Variants in CRYBG1 observed in about 807,000 individuals in gnomAD.
CRYBG1 encodes the protein crystallin beta-gamma domain containing 1.
In CRYBG1, 139 loss-of-function variants were observed where a neutral mutation model predicts 189.2. That is an observed-to-expected ratio of 0.73 (90% confidence interval 0.64 to 0.85). CRYBG1 has a LOEUF of 0.85. Among genes scored for constraint, CRYBG1 ranks in the 40% least tolerant of loss-of-function variants. CRYBG1 has a pLI of 0.00. For synonymous variants in CRYBG1, 1,023 were observed against 1,017.1 expected, an observed-to-expected ratio of 1.01 and a Z score of -0.11; for missense variants, 2,611 against 2,675.8, an observed-to-expected ratio of 0.98 and a Z score of 0.53.
intron 9 of CRYBG1, chr6:106,541,325 T>G: frequency 1.6e-6 from 1 of 620,484 alleles, no homozygotes; most frequent in Non-Finnish European, 3.1e-6. Context: ...ATTTTCCAAG[T>G]TAAAAAAACT....
chr6:106,542,005 T>G (rs897265797), intron 10 of CRYBG1, among the ~76,000 whole-genome samples: 2 of 152,162 alleles, frequency 1.3e-5, no homozygotes, highest in Non-Finnish European at 2.9e-5. Flanking sequence ...CCCTTTCTGC[T>G]ATTCCCAATT....
At chr6:106,557,296 A>G (rs1351670752) in intron 17 of CRYBG1, among the ~76,000 whole-genome samples, 3 of 152,224 alleles carry the variant, frequency 2.0e-5, no homozygotes, top group Admixed American at 2.0e-4. Flanking sequence ...CTGATGGACA[A>G]AATCTTTTTA....
In CRYBG1 at chr6:106,511,599, C is replaced by CAGAG; in HGVS notation, c.491_494dup (p.Ser165ArgfsTer3). 1 of 1,535,612 alleles carries CAGAG rather than the reference C, an allele frequency of 6.5e-7. No individual in the cohort carries two copies. The highest frequency in any genetic ancestry group is 8.7e-7 in the Non-Finnish European group (1 of 1,146,578). ...GATGTGGTAGCCTCTCCTAAGCTCCCAGAGAGAGAGAGTGAGAGGAGCAGA... is the reference window on the plus strand; with the variant it reads ...GATGTGGTAGCCTCTCCTAAGCTCCCAGAGAGAGAGAGAGAGTGAGAGGAGCAGA... On this transcript the variant is annotated frameshift_variant, in exon 3 of 22. Transcript: ENST00000633556. LOFTEE classifies it high-confidence loss of function.
Position 106,543,470 on chromosome 6 carries a change from G to T in CRYBG1, c.4912G>T (p.Gly1638Ter). Reference sequence around the variant, plus strand: ...TGTTTATGAAAAGCCTTTCTTTGAAGGAAAATGTGTGGAACTAGAAACAGG... The same window carrying T: ...TGTTTATGAAAAGCCTTTCTTTGAATGAAAATGTGTGGAACTAGAAACAGG... ...VVVYEKPFFE[G>*]KCVELETGMC... Residue 1638 changes from glycine to a stop codon, truncating the protein, a stop_gained, in exon 11 of 22, where the codon GGA (glycine) becomes TGA (stop). Coordinates refer to ENST00000633556, the MANE Select transcript of CRYBG1 (RefSeq NM_001371242.2). LOFTEE classifies it high-confidence loss of function. 3 of 1,613,890 alleles carry T rather than the reference G, an allele frequency of 1.9e-6. No individual in the cohort carries two copies. Among genetic ancestry groups the T allele is most frequent in the Non-Finnish European group, 2.5e-6 (3 of 1,179,850 alleles).
chr6:106,362,066 G>A (rs1304499000), intron 1 of CRYBG1, among the ~76,000 whole-genome samples: 1 of 149,920 alleles, frequency 6.7e-6, no homozygotes, highest in Non-Finnish European at 1.5e-5. Context: ...CACCTCCCGG[G>A]TTCACGCCAT....
intron 17 of CRYBG1, 30 bp from the exon 18 acceptor site, chr6:106,558,456 T>C (rs780710508): frequency 6.6e-7 from 1 of 1,513,284 alleles, no homozygotes; most frequent in East Asian, 2.3e-5. Context: ...CAAAGATGAA[T>C]AACAGAACAT....
At chr6:106,481,419 G>T (rs1365528642) in intron 2 of CRYBG1, among the ~76,000 whole-genome samples, 1 of 152,094 alleles carries the variant, frequency 6.6e-6, no homozygotes, top group Non-Finnish European at 1.5e-5. Flanking sequence ...AGGTAGATAA[G>T]GTACACTTGC....
rs61739377 is a variant in CRYBG1, at chr6:106,520,777, A to G, written c.3569A>G (p.Lys1190Arg). The G allele has an allele frequency of 6.2e-7, 1 of 1,614,198 alleles. No individual in the cohort carries two copies. The highest frequency in any genetic ancestry group is 8.5e-7 in the Non-Finnish European group (1 of 1,180,036). ...GACACAAAATCCAAACTGAGACCCA[A>G]ACGTGCATCTGCTGAACAGAGCGTC... The part of the protein sequence containing the change: ...NLDTKSKLRP[K>R]RASAEQSVLF... The change falls in exon 4 of 22, where the codon AAA (lysine) becomes AGA (arginine). Residue 1190 changes from lysine (K) to arginine (R), a missense_variant. Physicochemically the swap from Lys to Arg is conservative, Grantham distance 26. This residue lies in a region of CRYBG1 where 1,622 missense variants were observed against 1,735.0 expected (regional missense o/e 0.93). Coordinates refer to ENST00000633556, the MANE Select transcript of CRYBG1 (RefSeq NM_001371242.2).
At position 106,543,530 on chromosome 6, in the gene CRYBG1, G is replaced by A. The variant is rs1774188520; in HGVS notation, c.4972G>A (p.Glu1658Lys). 6.2e-7 allele frequency: 1 copy of A among 1,614,144 alleles called. No homozygotes were observed. Among genetic ancestry groups the A allele is most frequent in the Non-Finnish European group, 8.5e-7 (1 of 1,179,972 alleles). Residue 1658 changes from glutamate to lysine, a missense_variant, in exon 11 of 22, where the codon GAA becomes AAA. This residue lies in a region of CRYBG1 where 1,622 missense variants were observed against 1,735.0 expected (regional missense o/e 0.93). Coordinates refer to ENST00000633556, the MANE Select transcript of CRYBG1 (RefSeq NM_001371242.2). ...CSFVMEGGET[E>K]EATGDDHLPF... ...TTTTGTCATGGAGGGAGGTGAAACAGAAGAGGCGACTGGAGACGATCATTT... is the reference window on the plus strand; with the variant it reads ...TTTTGTCATGGAGGGAGGTGAAACAAAAGAGGCGACTGGAGACGATCATTT...
At chr6:106,478,849 C>T (rs1772387342) in intron 2 of CRYBG1, among the ~76,000 whole-genome samples, 1 of 152,196 alleles carries the variant, frequency 6.6e-6, no homozygotes, top group Non-Finnish European at 1.5e-5. Flanking sequence ...ACTGTGTGTG[C>T]AAGGGATCTA....
At chr6:106,497,371 G>T (rs1772874585) in intron 2 of CRYBG1, among the ~76,000 whole-genome samples, 1 of 152,168 alleles carries the variant, frequency 6.6e-6, no homozygotes, top group East Asian at 1.9e-4. Flanking sequence ...AAGTTCAGCA[G>T]TTCGATGTGG....
At chr6:106,534,890 G>A (rs527647981) in intron 8 of CRYBG1, among the ~76,000 whole-genome samples, 2 of 152,176 alleles carry the variant, frequency 1.3e-5, no homozygotes, top group East Asian at 1.9e-4. Context: ...AACTTCAAAG[G>A]GAGTATAAAG....
Position 106,544,800 on chromosome 6 carries a change from G to A in CRYBG1, c.5179G>A (p.Ala1727Thr). The A allele has an allele frequency of 6.2e-7, 1 of 1,601,892 alleles. No individual in the cohort carries two copies. Among genetic ancestry groups the A allele is most frequent in the Non-Finnish European group, 8.5e-7 (1 of 1,176,918 alleles). Residue 1727 changes from alanine (A) to threonine (T), a missense_variant, in exon 13 of 22, where the codon GCT becomes ACT. This residue lies in a region of CRYBG1 where 1,622 missense variants were observed against 1,735.0 expected (regional missense o/e 0.93). Coordinates refer to ENST00000633556, the MANE Select transcript of CRYBG1 (RefSeq NM_001371242.2). ...LRPILGDFSN[A>T]HMIMYSEKNF... is the part of the protein sequence containing the mutation. ...TTTTTCTCAATAGGATTTTTCAAAT[G>A]CTCACATGATAATGTACAGTGAAAA...
chr6:106,466,953 A>G (rs537336732), intron 2 of CRYBG1, among the ~76,000 whole-genome samples: 1 of 152,184 alleles, frequency 6.6e-6, no homozygotes, highest in Non-Finnish European at 1.5e-5. Flanking sequence ...GGAGTTGGGT[A>G]TAGAGAAATA....
intron 1 of CRYBG1, among the ~76,000 whole-genome samples, chr6:106,416,999 CTT>C (rs71663353): frequency 4.3e-5 from 3 of 69,504 alleles, no homozygotes; most frequent in Admixed American, 2.2e-4. Context: ...ATGGGATTTA[CTT>C]TTTTTTTTTT....
chr6:106,367,889 C>T (rs1425384871), intron 1 of CRYBG1, among the ~76,000 whole-genome samples: 1 of 151,746 alleles, frequency 6.6e-6, no homozygotes, highest in Non-Finnish European at 1.5e-5. Context: ...ATCATTTGAG[C>T]CCAGGAGTTA....
intron 1 of CRYBG1, among the ~76,000 whole-genome samples, chr6:106,448,014 T>C (rs1193219938): frequency 6.6e-6 from 1 of 152,196 alleles, no homozygotes; most frequent in African/African-American, 2.4e-5. Context: ...CCAGTAAGCT[T>C]GCTAGGAGTA....
chr6:106,553,625 A>T, intron 16 of CRYBG1, 58 bp downstream of exon 16: 1 of 1,148,724 alleles, frequency 8.7e-7, no homozygotes. Flanking sequence ...GAATTCACAC[A>T]TCAGCAAGTA....
intron 4 of CRYBG1, among the ~76,000 whole-genome samples, chr6:106,521,853 G>A (rs1773619983): frequency 6.6e-6 from 1 of 151,482 alleles, no homozygotes; most frequent in African/African-American, 2.4e-5. Context: ...CTAGTAGCAG[G>A]GAATGCAGGC....
Sources: allele counts gnomAD v4.1 joint callset (sites outside exome capture counted in the v4.1 genomes callset), GRCh38; gene constraint gnomAD v4.1.1; regional missense constraint gnomAD v4.1.1; transcripts MANE v1.5; gene names NCBI Gene and HGNC (gene_info 2026-07-23, HGNC 2026-07-21).